COL9A3: variants seen among roughly 807,000 people sequenced by gnomAD.
COL9A3 encodes the protein collagen type IX alpha 3 chain, also known as collagen alpha-3(IX) chain.
A neutral mutation model predicts 110.2 loss-of-function variants in COL9A3; 82 were observed. The observed-to-expected ratio is 0.74, with a 90% CI of 0.62 to 0.89. COL9A3 has a LOEUF of 0.89. Among genes scored for constraint, COL9A3 ranks in the 40% least tolerant of loss-of-function variants. The probability of loss-of-function intolerance (pLI) is 0.00; values close to 1 mark genes in which losing one functional copy is unlikely to be tolerated. For synonymous variants in COL9A3, 494 were observed against 403.8 expected (o/e 1.22, Z -2.68); for missense variants, 1,066 against 981.3 (o/e 1.09, Z -1.15).
At chr20:62,824,075 G>A (rs1360252577) in intron 10 of COL9A3, among the ~76,000 whole-genome samples, 6 of 141,394 alleles carry the variant, frequency 4.2e-5, no homozygotes, top group Admixed American at 2.1e-4. Flanking sequence ...CCCGACACCC[G>A]CGCGGAGTGG....
chr20:62,835,820 A>C, intron 26 of COL9A3, 101 bp from the exon 27 acceptor site: 1 of 1,163,734 alleles, frequency 8.6e-7, no homozygotes, highest in Non-Finnish European at 1.3e-6. Context: ...GTAGTCTAAT[A>C]GCAGGTGTGT....
At chr20:62,834,042 G>A (rs1470075866) in intron 26 of COL9A3, among the ~76,000 whole-genome samples, 1 of 151,856 alleles carries the variant, frequency 6.6e-6, no homozygotes, top group Non-Finnish European at 1.5e-5. Context: ...CCCAGCTAAT[G>A]TTTGTATTTT....
rs890421492 is a variant in COL9A3, at chr20:62,826,187, G to A, written c.685-17G>A. ...AGGTGCAGCCCCAGCCTCTGCATCT[G>A]TGCCTCTCTCTCGCAGGGCCCCCGG... On this transcript the variant is annotated splice_polypyrimidine_tract_variant and intron_variant, in intron 13 of 31. Coordinates refer to ENST00000649368, the MANE Select transcript of COL9A3 (RefSeq NM_001853.4). The A allele has an allele frequency of 6.4e-6, 10 of 1,556,624 alleles. No individual in the cohort carries two copies. Among genetic ancestry groups the A allele is most frequent in the Admixed American group, 1.9e-5 (1 of 52,116 alleles).
chr20:62,826,031 C>G (rs1421588859), intron 13 of COL9A3, among the ~76,000 whole-genome samples, 161 bp downstream of exon 13: 4 of 152,172 alleles, frequency 2.6e-5, no homozygotes. Flanking sequence ...CCACCTCTGC[C>G]AAGGCTGCTG....
chr20:62,838,816 G>A, intron 31 of COL9A3, 55 bp downstream of exon 31: 1 of 1,401,604 alleles, frequency 7.1e-7, no homozygotes, highest in East Asian at 2.5e-5. Flanking sequence ...CCGCCATCTT[G>A]TAGCTTTATG....
intron 29 of COL9A3, 46 bp downstream of exon 29, chr20:62,836,578 T>C: frequency 1.3e-6 from 2 of 1,558,522 alleles, no homozygotes; most frequent in Non-Finnish European, 1.7e-6. Context: ...CATCCCCGCC[T>C]GGGGGTCCCG....
At chr20:62,826,300 G>C in intron 14 of COL9A3, 43 bp downstream of exon 14, 7 of 1,525,402 alleles carry the variant, frequency 4.6e-6, no homozygotes, top group Non-Finnish European at 6.2e-6. Flanking sequence ...AGGTGGCTGG[G>C]GGCCTGGTTG....
chr20:62,832,350 C>T (rs543910441), intron 25 of COL9A3, among the ~76,000 whole-genome samples, 161 bp downstream of exon 25: 1 of 152,394 alleles, frequency 6.6e-6, no homozygotes, highest in East Asian at 1.9e-4. Context: ...GGCTCCTGCC[C>T]CTCCTGCTTA....
chr20:62,822,476 A>G, intron 9 of COL9A3, 115 bp from the exon 10 acceptor site: 1 of 1,079,262 alleles, frequency 9.3e-7, no homozygotes, highest in Non-Finnish European at 1.4e-6. Flanking sequence ...AAGGGTCTCC[A>G]AGTCCCCTGG....
At chr20:62,830,010 C>T (rs555371152) in intron 22 of COL9A3, among the ~76,000 whole-genome samples, 191 bp downstream of exon 22, 56 of 152,254 alleles carry the variant, frequency 3.7e-4, no homozygotes, top group African/African-American at 1.3e-3. Flanking sequence ...GGGGCCAGGC[C>T]GGAGCTGCCC....
chr20:62,828,842 C>T (rs760098175), intron 18 of COL9A3, 25 bp downstream of exon 18: 68 of 1,612,538 alleles, frequency 4.2e-5, no homozygotes, highest in Admixed American at 6.7e-5. Flanking sequence ...CAGGGTGTGA[C>T]GGGAGGGAGG....
At chr20:62,838,182 G>T (rs1229995736) in intron 30 of COL9A3, among the ~76,000 whole-genome samples, 1 of 152,242 alleles carries the variant, frequency 6.6e-6, no homozygotes, top group Non-Finnish European at 1.5e-5. Context: ...GCCGTGCACG[G>T]CTCAGCAGCA....
At chr20:62,819,402 C>A in intron 4 of COL9A3, 109 bp downstream of exon 4, 1 of 1,098,630 alleles carries the variant, frequency 9.1e-7, no homozygotes, top group East Asian at 2.5e-5. Flanking sequence ...GCGGGAAGCC[C>A]AGTCCTGAGA....
chr20:62,828,524 C>T lies in COL9A3; in HGVS notation c.901-240C>T, dbSNP rs995036180. Among the ~76,000 whole-genome samples the T allele has an allele frequency of 3.3e-5, 5 of 152,384 alleles. No homozygotes were observed. The South Asian group carries it at 6.2e-4, about 19-fold the overall frequency. Reference sequence around the variant, plus strand: ...ATGATGTGCCTGGTGGACGAGGCCTCGGGCGTCAGCACTGCATCAGCACCG... The same window carrying T: ...ATGATGTGCCTGGTGGACGAGGCCTTGGGCGTCAGCACTGCATCAGCACCG... On this transcript the variant is annotated intron_variant, in intron 17 of 31. Transcript: ENST00000649368.
At chr20:62,820,791 A>G (rs1254933011) in intron 5 of COL9A3, among the ~76,000 whole-genome samples, 1 of 144,722 alleles carries the variant, frequency 6.9e-6, no homozygotes, top group Non-Finnish European at 1.5e-5. Context: ...GAGGGTGTGG[A>G]GGGCAGACAG....
rs1600803636 is a variant in COL9A3 at position 62,830,671 on chromosome 20, A to ACCCCCCACCACAGTCCCCC, written c.1287+83_1287+84insCCCCCCACCACAGTCCCCC. On this transcript the variant is annotated intron_variant, in intron 24 of 31. Coordinates refer to ENST00000649368, the MANE Select transcript of COL9A3 (RefSeq NM_001853.4). ...TCCCCCACCCCCATGACAGTCCCCC[A>ACCCCCCACCACAGTCCCCC]ACCCCCACCACAGTCCCCCAACCCC... The ACCCCCCACCACAGTCCCCC allele has an allele frequency of 1.6e-4, 34 of 212,318 alleles. 2 individuals are homozygous for ACCCCCCACCACAGTCCCCC. The highest frequency in any genetic ancestry group is 1.1e-3 in the East Asian group (9 of 8,368). 13.2% of individuals were successfully genotyped at this position (212,318 alleles called of 1,614,324 possible).
chr20:62,824,325 C>T, intron 10 of COL9A3, 120 bp from the exon 11 acceptor site: 1 of 1,053,914 alleles, frequency 9.5e-7, no homozygotes, highest in South Asian at 1.4e-5. Context: ...TGAGGAGTGG[C>T]CTCCCGGGGT....
Position 62,819,919 on chromosome 20 carries a change from C to T in COL9A3, c.256-10C>T, listed in dbSNP as rs1394358617. On this transcript the variant is annotated splice_polypyrimidine_tract_variant and intron_variant, in intron 4 of 31. Coordinates refer to ENST00000649368, the MANE Select transcript of COL9A3 (RefSeq NM_001853.4). ...GTGGCCCCTCGAGCTCGCCCTCTGC[C>T]TCTCCCCAGGGTCTGACTGGACGAG... is the stretch of plus-strand genomic sequence containing the variant. The T allele has an allele frequency of 6.2e-7, 1 of 1,612,764 alleles. No homozygotes were observed. Among genetic ancestry groups the T allele is most frequent in the African/African-American group, 1.3e-5 (1 of 74,926 alleles).
At chr20:62,830,232 G>C (rs1198701499) in intron 22 of COL9A3, 128 bp from the exon 23 acceptor site, 2 of 1,125,174 alleles carry the variant, frequency 1.8e-6, no homozygotes, top group Admixed American at 2.0e-5. Context: ...CAGCAACCCA[G>C]CCAGGTGGCT....
Sources: allele counts gnomAD v4.1 joint callset (sites outside exome capture counted in the v4.1 genomes callset), GRCh38; gene constraint gnomAD v4.1.1; transcripts MANE v1.5; gene names NCBI Gene and HGNC (gene_info 2026-07-23, HGNC 2026-07-21).